The following FHIP1A variants were observed in gnomAD, a reference collection of about 807,000 sequenced individuals.
The protein encoded by FHIP1A is FHF complex subunit HOOK-interacting protein 1A.
In FHIP1A, 61 loss-of-function variants were observed where a neutral mutation model predicts 88.6. That is an observed-to-expected ratio of 0.69 (90% CI 0.56 to 0.85). FHIP1A has a LOEUF of 0.85. Ranked by LOEUF, FHIP1A falls within the 40% of genes least tolerant of loss-of-function variation. The pLI, the probability that FHIP1A is intolerant of heterozygous loss-of-function variation, is 0.00. For missense variants in FHIP1A, 1,154 were observed against 1,273.5 expected (o/e 0.91, Z 1.43); for synonymous variants, 478 against 496.0 (o/e 0.96, Z 0.48).
At chr4:151,612,276 T>C (rs1735351537) in intron 7 of FHIP1A, among the ~76,000 whole-genome samples, 1 of 152,238 alleles carries the variant, frequency 6.6e-6, no homozygotes. Flanking sequence ...ATTTTTATTG[T>C]GTTTTTGTTA....
intron 3 of FHIP1A, among the ~76,000 whole-genome samples, chr4:151,506,716 T>C (rs546831134): frequency 6.6e-6 from 1 of 152,078 alleles, no homozygotes; most frequent in Non-Finnish European, 1.5e-5. Context: ...ACCCTCATGA[T>C]CCAAGCATCC....
At chr4:151,475,865 GA>G (rs201042223) in intron 2 of FHIP1A, among the ~76,000 whole-genome samples, 51,526 of 147,366 alleles carry the variant, frequency 0.35, 9,617 homozygotes, top group Non-Finnish European at 0.43. Context: ...CTCTATTATC[GA>G]TTTTTTTTTT....
chr4:151,446,700 G>T (rs1311102628), intron 1 of FHIP1A, among the ~76,000 whole-genome samples: 1 of 147,546 alleles, frequency 6.8e-6, no homozygotes, highest in Admixed American at 7.0e-5. Flanking sequence ...CCTCTGTTGT[G>T]AAACATTGTG....
chr4:151,665,379 C>T lies in FHIP1A; in HGVS notation c.*2625C>T, dbSNP rs962333684. ...CTGGGGTGCTGGCAGCAAACTCACA[C>T]GATAACACTAACTTCCTATTTGGAT... On this transcript the variant is annotated 3_prime_UTR_variant, in exon 14 of 14. Transcript: ENST00000435205. 1.3e-5 allele frequency among the ~76,000 whole-genome samples: 2 copies of T among 152,156 alleles called. No individual in the cohort carries two copies. The highest frequency in any genetic ancestry group is 2.9e-5 in the Non-Finnish European group (2 of 68,028).
At chr4:151,569,275 C>G (rs370424421) in intron 4 of FHIP1A, among the ~76,000 whole-genome samples, 1 of 152,140 alleles carries the variant, frequency 6.6e-6, no homozygotes, top group Non-Finnish European at 1.5e-5. Context: ...AAGTGTTGGC[C>G]GGGCGCTGTG....
chr4:151,531,876 C>T (rs1731889202), intron 3 of FHIP1A, among the ~76,000 whole-genome samples: 1 of 151,122 alleles, frequency 6.6e-6, no homozygotes, highest in Admixed American at 6.6e-5. Flanking sequence ...TCTCCAGGGC[C>T]CAAAAAGAAG....
intron 2 of FHIP1A, among the ~76,000 whole-genome samples, chr4:151,472,762 A>G (rs1001415746): frequency 9.2e-5 from 14 of 152,096 alleles, no homozygotes; most frequent in Admixed American, 2.0e-4. Flanking sequence ...AGGCAGAAAT[A>G]TAAGTGGTGA....
At chr4:151,642,356 T>C (rs368740319) in intron 9 of FHIP1A, among the ~76,000 whole-genome samples, 2 of 152,310 alleles carry the variant, frequency 1.3e-5, no homozygotes, top group African/African-American at 4.8e-5. Context: ...GTCTTGCCTG[T>C]TGTGTTCAGA....
intron 7 of FHIP1A, among the ~76,000 whole-genome samples, chr4:151,597,256 T>G (rs1335919931): frequency 6.6e-6 from 1 of 152,212 alleles, no homozygotes; most frequent in Non-Finnish European, 1.5e-5. Flanking sequence ...CCTTTCTGTT[T>G]GTTAGTTTTC....
chr4:151,577,299 G>A lies in FHIP1A; in HGVS notation c.106-151G>A, dbSNP rs189508930. The A allele has an allele frequency of 2.7e-3, 1,661 of 616,146 alleles. 24 individuals are homozygous for A. The African/African-American group carries it at 0.029, about 11-fold the overall frequency. The allele number at this position is 616,146 out of a possible 1,614,324, so 38.2% of individuals were successfully genotyped here. Reference sequence around the variant, plus strand: ...ACTCCTTCATTTTAGTGTTTGAGAGGGAGACACACACACACACACACAATG... The same window carrying A: ...ACTCCTTCATTTTAGTGTTTGAGAGAGAGACACACACACACACACACAATG... On this transcript the variant is annotated intron_variant, in intron 4 of 13. Transcript: ENST00000435205.
intron 9 of FHIP1A, among the ~76,000 whole-genome samples, chr4:151,641,262 T>A (rs1736577866): frequency 6.6e-6 from 1 of 152,152 alleles, no homozygotes; most frequent in African/African-American, 2.4e-5. Context: ...TACACAGAAG[T>A]CAGTTGGGCA....
chr4:151,643,716 A>T (rs1736682928), intron 9 of FHIP1A, among the ~76,000 whole-genome samples: 1 of 152,124 alleles, frequency 6.6e-6, no homozygotes, highest in African/African-American at 2.4e-5. Flanking sequence ...GGCTTATTTC[A>T]CTTAACATAA....
chr4:151,636,623 C>T (rs1328873246), intron 8 of FHIP1A, among the ~76,000 whole-genome samples: 2 of 151,764 alleles, frequency 1.3e-5, no homozygotes, highest in Non-Finnish European at 2.9e-5. Context: ...TAAATTTTTA[C>T]AAAAGAAGTG....
Position 151,420,340 on chromosome 4 carries a change from A to C in FHIP1A, c.-356+10875A>C, listed in dbSNP as rs1238438466. ...TTTGATTTGCATTTCTCTGATGGCC[A>C]GTGATGATGAGCATTTCTTCATGTG... On this transcript the variant is annotated intron_variant, in intron 1 of 13. Coordinates refer to ENST00000435205, the MANE Select transcript of FHIP1A (RefSeq NM_001109977.3). Among the ~76,000 whole-genome samples, 2 of 134,334 alleles carry C rather than the reference A, an allele frequency of 1.5e-5. 1 individual carries two copies. Among genetic ancestry groups the C allele is most frequent in the Non-Finnish European group, 3.2e-5 (2 of 61,894 alleles). 88.1% of individuals were successfully genotyped at this position (134,334 alleles called of 152,430 possible). A position where few individuals can be genotyped will look rare whatever the true frequency, so the allele number is the denominator to read the frequency against.
chr4:151,416,522 G>T (rs1405135910), intron 1 of FHIP1A, among the ~76,000 whole-genome samples: 2 of 151,998 alleles, frequency 1.3e-5, no homozygotes, highest in Non-Finnish European at 2.9e-5. Context: ...GTACACATTT[G>T]TGTATTTATG....
chr4:151,458,562 A>G (rs965122511), intron 2 of FHIP1A, among the ~76,000 whole-genome samples: 24 of 152,064 alleles, frequency 1.6e-4, no homozygotes, highest in African/African-American at 5.3e-4. Context: ...ATCAGACTAA[A>G]TGGAAGTTTA....
At chr4:151,628,565 A>G (rs1736039184) in intron 7 of FHIP1A, among the ~76,000 whole-genome samples, 1 of 152,222 alleles carries the variant, frequency 6.6e-6, no homozygotes, top group Non-Finnish European at 1.5e-5. Flanking sequence ...AGATAATGTG[A>G]CAACTAACAC....
At position 151,650,387 on chromosome 4, in the gene FHIP1A, C is replaced by T. The variant is rs1239645015; in HGVS notation, c.2346C>T (p.Leu782=). The change falls in exon 11 of 14, where the codon CTC becomes CTT. Residue 782 remains leucine (L), a synonymous_variant. Coordinates refer to ENST00000435205, the MANE Select transcript of FHIP1A (RefSeq NM_001109977.3). The part of the protein sequence containing the change: ...QNYPTPDPLL[L]TKEEEGKEES... ...ACCCCACACCTGATCCCTTGCTTCT[C>T]ACTAAGGAGGAAGAAGGGAAGGAAG... 1.3e-6 allele frequency: 2 copies of T among 1,551,674 alleles called. No homozygotes were observed. Among genetic ancestry groups the T allele is most frequent in the South Asian group, 1.2e-5 (1 of 84,048 alleles).
At chr4:151,488,479 T>C (rs537646070) in intron 3 of FHIP1A, among the ~76,000 whole-genome samples, 1 of 152,352 alleles carries the variant, frequency 6.6e-6, no homozygotes, top group East Asian at 1.9e-4. Context: ...TTCATTCTTT[T>C]CTAATGGCTG....
Sources: allele counts gnomAD v4.1 joint callset (sites outside exome capture counted in the v4.1 genomes callset), GRCh38; gene constraint gnomAD v4.1.1; transcripts MANE v1.5; gene names NCBI Gene and HGNC (gene_info 2026-07-23, HGNC 2026-07-21).